The following SPIDR variants were observed in gnomAD, a reference collection of about 807,000 sequenced individuals.
The protein encoded by SPIDR is scaffold protein involved in DNA repair.
Under a neutral mutation model 104.6 loss-of-function variants are expected in SPIDR, and 93 were observed. The ratio of observed to expected loss-of-function variants is 0.89; its 90% CI spans 0.75 to 1.06. The LOEUF (loss-of-function observed/expected upper bound fraction) is 1.06, where lower values mean the gene tolerates loss of function less well. SPIDR is among the 50% of genes least tolerant of loss of function. SPIDR has a pLI of 0.00. For missense variants in SPIDR, 1,154 were observed against 1,111.2 expected (o/e 1.04, Z -0.55); for synonymous variants, 431 against 416.9 (o/e 1.03, Z -0.41).
intron 16 of SPIDR, 63 bp from the exon 17 acceptor site, chr8:47,727,137 G>T: frequency 7.0e-7 from 1 of 1,434,460 alleles, no homozygotes; most frequent in South Asian, 1.2e-5. Context: ...GCACGTGGAG[G>T]AGCAGAGGAG....
chr8:47,594,608 G>A (rs2061439645), intron 8 of SPIDR, among the ~76,000 whole-genome samples: 1 of 152,138 alleles, frequency 6.6e-6, no homozygotes, highest in African/African-American at 2.4e-5. Context: ...TGGTTAAAGA[G>A]AGCAGGCTTT....
intron 8 of SPIDR, among the ~76,000 whole-genome samples, chr8:47,576,064 T>C (rs941167968): frequency 3.3e-5 from 5 of 151,760 alleles, no homozygotes; most frequent in Non-Finnish European, 7.4e-5. Context: ...GAAAATTTTC[T>C]ACAATAGGCA....
At chr8:47,397,387 A>G (rs948811984) in intron 6 of SPIDR, among the ~76,000 whole-genome samples, 2 of 151,968 alleles carry the variant, frequency 1.3e-5, no homozygotes, top group African/African-American at 4.8e-5. Context: ...TCCCAGCTAC[A>G]CAGGAGGCCG....
At chr8:47,479,672 C>T (rs2076676864) in intron 8 of SPIDR, among the ~76,000 whole-genome samples, 1 of 152,150 alleles carries the variant, frequency 6.6e-6, no homozygotes, top group South Asian at 2.1e-4. Flanking sequence ...TGGCCTGAAG[C>T]CAGCCTGCTC....
At chr8:47,658,029 C>CAAAAAAAA (rs34648437) in intron 10 of SPIDR, among the ~76,000 whole-genome samples, 5 of 76,032 alleles carry the variant, frequency 6.6e-5, no homozygotes, top group South Asian at 1.0e-3. Context: ...GACCCTGTCT[C>CAAAAAAAA]AAAAAAAAAA....
At chr8:47,489,011 G>A (rs1404747369) in intron 8 of SPIDR, among the ~76,000 whole-genome samples, 2 of 152,166 alleles carry the variant, frequency 1.3e-5, no homozygotes, top group Non-Finnish European at 2.9e-5. Flanking sequence ...GGGCAGTCAG[G>A]CAGGAGAAAG....
Position 47,439,546 on chromosome 8 carries a change from A to C in SPIDR, c.878-777A>C, listed in dbSNP as rs138441161. 3.3e-5 allele frequency among the ~76,000 whole-genome samples: 5 copies of C among 152,330 alleles called. No homozygotes were observed. The East Asian group carries it at 9.6e-4, about 29-fold the overall frequency. ...GGTGCAGTTTTCTACTCTTATAAAC[A>C]ACGCTGAGATGTGTATCCTTGTTTA... is the stretch of plus-strand genomic sequence containing the variant. On this transcript the variant is annotated intron_variant, in intron 7 of 19. Coordinates refer to ENST00000297423, the MANE Select transcript of SPIDR (RefSeq NM_001080394.4).
intron 19 of SPIDR, among the ~76,000 whole-genome samples, chr8:47,731,673 G>C (rs1460595216): frequency 6.6e-6 from 1 of 152,236 alleles, no homozygotes; most frequent in Non-Finnish European, 1.5e-5. Context: ...CTGTCCTTAA[G>C]GAAGTTTAAG....
intron 5 of SPIDR, among the ~76,000 whole-genome samples, chr8:47,348,160 C>T (rs1039581029): frequency 6.6e-6 from 1 of 152,178 alleles, no homozygotes; most frequent in Non-Finnish European, 1.5e-5. Flanking sequence ...CAAACTCTCT[C>T]AGCATTTGCT....
At chr8:47,587,609 C>CAAAAAAAAA (rs36084278) in intron 8 of SPIDR, among the ~76,000 whole-genome samples, 1 of 58,830 alleles carries the variant, frequency 1.7e-5, no homozygotes. Flanking sequence ...GACCCTGCCT[C>CAAAAAAAAA]AAAAAAAAAA....
At chr8:47,455,855 T>C (rs972225924) in intron 8 of SPIDR, among the ~76,000 whole-genome samples, 1 of 151,964 alleles carries the variant, frequency 6.6e-6, no homozygotes, top group African/African-American at 2.4e-5. Flanking sequence ...CCAAAATATA[T>C]GAAGTAAAAA....
intron 8 of SPIDR, among the ~76,000 whole-genome samples, chr8:47,494,838 G>A (rs1327191616): frequency 1.7e-4 from 26 of 152,200 alleles, no homozygotes; most frequent in Admixed American, 1.7e-3. Context: ...GTTCTTAGGA[G>A]TGAAGTGAGA....
chr8:47,683,828 C>T (rs1052879337), intron 11 of SPIDR, among the ~76,000 whole-genome samples: 2 of 151,964 alleles, frequency 1.3e-5, no homozygotes, highest in African/African-American at 4.8e-5. Flanking sequence ...GCACAGTGTT[C>T]AATAAAAACC....
chr8:47,291,823 G>A (rs113219347), intron 4 of SPIDR, among the ~76,000 whole-genome samples: 2,749 of 152,256 alleles, frequency 0.018, 84 homozygotes, highest in African/African-American at 0.064. Context: ...TGGTAGAGGT[G>A]TAACGTACTG....
chr8:47,553,716 G>A (rs2090920091), intron 8 of SPIDR, among the ~76,000 whole-genome samples: 1 of 152,144 alleles, frequency 6.6e-6, no homozygotes, highest in Non-Finnish European at 1.5e-5. Flanking sequence ...GGAGAAGTTT[G>A]TTGTTACGAT....
chr8:47,444,456 C>T (rs2070140203), intron 8 of SPIDR, among the ~76,000 whole-genome samples: 1 of 152,222 alleles, frequency 6.6e-6, no homozygotes, highest in African/African-American at 2.4e-5. Flanking sequence ...GCTGGAAGAG[C>T]GAAGTCTGAC....
chr8:47,578,251 T>A (rs2059347227), intron 8 of SPIDR, among the ~76,000 whole-genome samples: 1 of 152,136 alleles, frequency 6.6e-6, no homozygotes, highest in South Asian at 2.1e-4. Context: ...GGCGGGCAGA[T>A]CACGAGGTCA....
chr8:47,682,276 C>A (rs7387605), intron 11 of SPIDR, among the ~76,000 whole-genome samples: 144,239 of 145,530 alleles, frequency 0.99, 71,481 homozygotes, highest in Admixed American at 1. Flanking sequence ...AAAAAAAAAA[C>A]CCAGACACAA....
At chr8:47,364,243 C>T in intron 5 of SPIDR, among the ~76,000 whole-genome samples, 1 of 152,162 alleles carries the variant, frequency 6.6e-6, no homozygotes, top group East Asian at 1.9e-4. Context: ...TCTCACAGGG[C>T]TTCTGCCTTC....
Sources: gnomAD v4.1 joint callset for allele counts (sites outside exome capture counted in the v4.1 genomes callset) on GRCh38, gnomAD v4.1.1 for gene constraint, MANE v1.5 for transcripts, NCBI Gene and HGNC (gene_info 2026-07-23, HGNC 2026-07-21) for gene names.